NCOA6: variants seen among roughly 807,000 people sequenced by gnomAD.
NCOA6 encodes NRC RAP250.
Under a neutral mutation model 171.4 loss-of-function variants are expected in NCOA6, and 49 were observed. The ratio of observed to expected loss-of-function variants is 0.29; its 90% CI spans 0.23 to 0.36. NCOA6 has a LOEUF of 0.36. Among genes scored for constraint, NCOA6 ranks in the 10% least tolerant of loss-of-function variants. The probability of loss-of-function intolerance (pLI) is 1.00; values close to 1 mark genes in which losing one functional copy is unlikely to be tolerated. For missense variants in NCOA6, 2,248 were observed against 2,554.5 expected, an observed-to-expected ratio of 0.88 and a Z score of 2.59; for synonymous variants, 910 against 927.5, an observed-to-expected ratio of 0.98 and a Z score of 0.34.
intron 1 of NCOA6, among the ~76,000 whole-genome samples, chr20:34,804,063 C>T (rs1277469161): frequency 6.7e-6 from 1 of 150,016 alleles, no homozygotes; most frequent in Non-Finnish European, 1.5e-5. Flanking sequence ...TTAGGCCAAG[C>T]GTGGTGGCTC....
At chr20:34,744,894 GCC>G (rs2076258416) in intron 10 of NCOA6, among the ~76,000 whole-genome samples, 1 of 152,150 alleles carries the variant, frequency 6.6e-6, no homozygotes, top group South Asian at 2.1e-4. Context: ...TTTAAAATCA[GCC>G]CACCAGACAG....
rs2076167362 is a variant in NCOA6 at position 34,742,222 on chromosome 20, C to T, written c.4034G>A (p.Gly1345Glu). 6.2e-7 allele frequency: 1 copy of T among 1,614,154 alleles called. No individual in the cohort carries two copies. The highest frequency in any genetic ancestry group is 8.5e-7 in the Non-Finnish European group (1 of 1,180,032). The change falls in exon 11 of 15, where the codon GGG becomes GAG. Residue 1345 changes from glycine (G) to glutamate (E), a missense_variant. Gly to Glu is a moderately conservative substitution (Grantham distance 98). Transcript: ENST00000359003. The stretch of plus-strand genomic sequence containing the variant: ...TTTAGGGGCTTTTGAATTTTGCCTC[C>T]CAGGGCTTGGAGTGGTTTTCCTACT... ...GSSRKTTPSP[G>E]RQNSKAPKLT...
chr20:34,732,715 T>G, intron 12 of NCOA6, 120 bp from the exon 13 acceptor site: 1 of 772,846 alleles, frequency 1.3e-6, no homozygotes, highest in Non-Finnish European at 2.1e-6. Flanking sequence ...CCAGCAGGAT[T>G]CTCACCCTAC....
At position 34,742,111 on chromosome 20, in the gene NCOA6, G is replaced by T. The variant is rs1294648389; in HGVS notation, c.4145C>A (p.Ala1382Asp). Reference sequence around the variant, plus strand: ...AAAGCTCCCAGGTACAGGGGGATTGGCCAGAGGAGTGGGACTGACCAATAC... The same window carrying T: ...AAAGCTCCCAGGTACAGGGGGATTGTCCAGAGGAGTGGGACTGACCAATAC... ...RNVLVSPTPL[A>D]NPPVPGSFPN... The change falls in exon 11 of 15, where the codon GCC becomes GAC. Residue 1382 changes from alanine to aspartate, a missense_variant. This residue lies in a region of NCOA6 where 884 missense variants were observed against 941.9 expected (regional missense o/e 0.94). Transcript: ENST00000359003. 1.2e-6 allele frequency: 2 copies of T among 1,614,190 alleles called. No individual in the cohort carries two copies. Among genetic ancestry groups the T allele is most frequent in the East Asian group, 4.5e-5 (2 of 44,894 alleles).
At chr20:34,727,179 G>T in intron 14 of NCOA6, 80 bp downstream of exon 14, 1 of 1,489,598 alleles carries the variant, frequency 6.7e-7, no homozygotes, top group South Asian at 1.2e-5. Context: ...CAATGATGAA[G>T]GACAAAGTCT....
chr20:34,724,095 T>G (rs1337978940), intron 14 of NCOA6, among the ~76,000 whole-genome samples: 1 of 152,176 alleles, frequency 6.6e-6, no homozygotes, highest in African/African-American at 2.4e-5. Context: ...TACTGAAAAG[T>G]GTACTCCCTT....
rs772784924 is a variant in NCOA6 at position 34,757,956 on chromosome 20, C to T, written c.792G>A (p.Gln264=). ...PANFPQLQQQ[Q]QQQQQQQQQQ... is the part of the protein sequence containing the mutation. ...GCTGCTGCTGCTGTTGTTGTTGTTG[C>T]TGCTGCTGCTGCAGCTGGGGAAAAT... The change falls in exon 7 of 15, where the codon CAG becomes CAA. Residue 264 remains glutamine, a synonymous_variant. Transcript: ENST00000359003. 1.5e-5 allele frequency: 24 copies of T among 1,611,620 alleles called. No individual in the cohort carries two copies. Among genetic ancestry groups the T allele is most frequent in the Non-Finnish European group, 2.0e-5 (23 of 1,178,636 alleles).
At chr20:34,729,099 C>T (rs547767739) in intron 13 of NCOA6, among the ~76,000 whole-genome samples, 2 of 152,204 alleles carry the variant, frequency 1.3e-5, no homozygotes, top group East Asian at 3.9e-4. Context: ...TACAGGCATG[C>T]GCCACCACGC....
intron 3 of NCOA6, among the ~76,000 whole-genome samples, chr20:34,780,403 G>C (rs1383354447): frequency 6.6e-6 from 1 of 151,994 alleles, no homozygotes; most frequent in Non-Finnish European, 1.5e-5. Flanking sequence ...TGTCACTCAG[G>C]CTGGAGTGCA....
intron 2 of NCOA6, among the ~76,000 whole-genome samples, chr20:34,787,953 G>A (rs1023292464): frequency 3.1e-4 from 47 of 150,310 alleles, no homozygotes; most frequent in African/African-American, 1.0e-3. Context: ...AGCAACCGCC[G>A]CCTTCCAGGT....
intron 1 of NCOA6, among the ~76,000 whole-genome samples, chr20:34,813,203 C>T (rs2078726706): frequency 6.6e-6 from 1 of 150,956 alleles, no homozygotes; most frequent in Non-Finnish European, 1.5e-5. Flanking sequence ...CAGTGGTTCA[C>T]GCCTGTATTC....
intron 9 of NCOA6, among the ~76,000 whole-genome samples, chr20:34,748,856 A>G (rs139020353): frequency 6.6e-6 from 1 of 152,342 alleles, no homozygotes; most frequent in Non-Finnish European, 1.5e-5. Context: ...TTAATTTCCA[A>G]AACACATTTG....
At chr20:34,824,692 C>A (rs1422981248) in intron 1 of NCOA6, among the ~76,000 whole-genome samples, 6 of 152,192 alleles carry the variant, frequency 3.9e-5, no homozygotes, top group African/African-American at 1.4e-4. Flanking sequence ...CCTCAGTCTC[C>A]CTTTGTCCCC....
chr20:34,715,189 CAGGGACT>C lies in NCOA6; in HGVS notation c.*126_*132del. 8.6e-7 allele frequency: 1 copy of C among 1,168,066 alleles called. No individual in the cohort carries two copies. Among genetic ancestry groups the C allele is most frequent in the Admixed American group, 2.0e-5 (1 of 50,844 alleles). The allele number at this position is 1,168,066 out of a possible 1,614,324, so 72.4% of individuals were successfully genotyped here. On this transcript the variant is annotated 3_prime_UTR_variant, in exon 15 of 15. Transcript: ENST00000359003. ...CCATTGCACTTTATGAAACAGGTTG[CAGGGACT>C]AGGAAAAGGGCCACATTATTAAAAT... is the stretch of plus-strand genomic sequence containing the variant.
In NCOA6 at chr20:34,715,263, A is replaced by G; in HGVS notation, c.*59T>C. The G allele has an allele frequency of 1.2e-6, 2 of 1,611,406 alleles. No individual in the cohort carries two copies. The highest frequency in any genetic ancestry group is 1.7e-6 in the Non-Finnish European group (2 of 1,178,050). ...ATTGATTTAAAAAAGTCACAGCTCA[A>G]AATTGCTCTTTGTAAAAGTCACACA... On this transcript the variant is annotated 3_prime_UTR_variant, in exon 15 of 15. Coordinates refer to ENST00000359003, the MANE Select transcript of NCOA6 (RefSeq NM_014071.5).
chr20:34,799,692 T>C (rs1378837554), intron 1 of NCOA6, among the ~76,000 whole-genome samples: 8 of 152,112 alleles, frequency 5.3e-5, no homozygotes, highest in Non-Finnish European at 8.8e-5. Flanking sequence ...GAGAGTGGTA[T>C]GACATATTCC....
chr20:34,800,345 C>G (rs2078217516), intron 1 of NCOA6, among the ~76,000 whole-genome samples: 2 of 152,008 alleles, frequency 1.3e-5, no homozygotes, highest in African/African-American at 4.8e-5. Flanking sequence ...AAACCAATAA[C>G]AAAACGGCAG....
Position 34,757,502 on chromosome 20 carries a change from T to G in NCOA6, c.1246A>C (p.Thr416Pro), listed in dbSNP as rs749661184. 1.2e-6 allele frequency: 2 copies of G among 1,613,534 alleles called. No individual in the cohort carries two copies. Among genetic ancestry groups the G allele is most frequent in the Admixed American group, 3.3e-5 (2 of 59,944 alleles). Residue 416 changes from threonine (T) to proline (P), a missense_variant, in exon 7 of 15, where the codon ACT (threonine) becomes CCT (proline). Physicochemically the swap from Thr to Pro is conservative, Grantham distance 38. Transcript: ENST00000359003. The part of the protein sequence containing the change: ...SLQGGPSRVP[T>P]PLQQPHLTNK... ...GTGAGGTGGGGCTGCTGCAAGGGAGTTGGGACCCTAGAGGGCCCTCCCTGC... is the reference window on the plus strand; with the variant it reads ...GTGAGGTGGGGCTGCTGCAAGGGAGGTGGGACCCTAGAGGGCCCTCCCTGC...
rs113798280 is a variant in NCOA6, at chr20:34,773,494, G to A, written c.391+2799C>T. On this transcript the variant is annotated intron_variant, in intron 4 of 14. Transcript: ENST00000359003. The stretch of plus-strand genomic sequence containing the variant: ...TTTGAGACAAAATTTTGCTCTTGTC[G>A]CCCAGGCTGGAGTGCAGTGGCGTGA... Among the ~76,000 whole-genome samples the A allele has an allele frequency of 2.0e-5, 3 of 151,508 alleles. No homozygotes were observed. In the South Asian group the frequency reaches 6.3e-4, roughly 32 times the overall value.
Sources: gnomAD v4.1 joint callset for allele counts (sites outside exome capture counted in the v4.1 genomes callset) on GRCh38, gnomAD v4.1.1 for gene constraint, gnomAD v4.1.1 regional missense constraint, MANE v1.5 for transcripts, NCBI Gene and HGNC (gene_info 2026-07-23, HGNC 2026-07-21) for gene names.